The following WDR70 variants were observed in gnomAD, a reference collection of about 807,000 sequenced individuals.
WDR70 encodes the protein WD repeat-containing protein 70.
WDR70 carries 53 observed loss-of-function variants against 88.6 expected under a neutral mutation model. The observed-to-expected ratio is 0.60, with a 90% CI of 0.48 to 0.75. The LOEUF (loss-of-function observed/expected upper bound fraction) is 0.75, where lower values mean the gene tolerates loss of function less well. Ranked by LOEUF, WDR70 falls within the 30% of genes least tolerant of loss-of-function variation. The pLI is 0.00. For missense variants in WDR70, 610 were observed against 823.2 expected, an observed-to-expected ratio of 0.74 and a Z score of 3.17; for synonymous variants, 280 against 270.0, an observed-to-expected ratio of 1.04 and a Z score of -0.36.
At chr5:37,658,368 T>C (rs1745612688) in intron 10 of WDR70, among the ~76,000 whole-genome samples, 1 of 152,116 alleles carries the variant, frequency 6.6e-6, no homozygotes. Flanking sequence ...CCTCTAGTCA[T>C]ATATAATTCT....
At chr5:37,728,253 C>A (rs1748043192) in intron 17 of WDR70, among the ~76,000 whole-genome samples, 1 of 149,518 alleles carries the variant, frequency 6.7e-6, no homozygotes, top group African/African-American at 2.5e-5. Flanking sequence ...GAGGCTGAGG[C>A]AGGAGAATTG....
chr5:37,416,841 C>T (rs528983858), intron 5 of WDR70, among the ~76,000 whole-genome samples: 5 of 152,276 alleles, frequency 3.3e-5, no homozygotes, highest in East Asian at 3.9e-4. Flanking sequence ...TCCTAAAGTG[C>T]TGGGATTACA....
chr5:37,390,957 C>T (rs1748800013), intron 3 of WDR70, among the ~76,000 whole-genome samples: 1 of 152,072 alleles, frequency 6.6e-6, no homozygotes. Flanking sequence ...CTCCAGTGAT[C>T]CGCCCACCTT....
chr5:37,664,062 C>T (rs191813036), intron 10 of WDR70, among the ~76,000 whole-genome samples: 4 of 152,248 alleles, frequency 2.6e-5, no homozygotes, highest in African/African-American at 4.8e-5. Context: ...CCAAAGCCAC[C>T]GACTGCAATT....
intron 9 of WDR70, among the ~76,000 whole-genome samples, chr5:37,594,444 A>T (rs2112453172): frequency 6.6e-6 from 1 of 152,324 alleles, no homozygotes; most frequent in East Asian, 1.9e-4. Context: ...GTCAAAGATC[A>T]GATGGTTGTA....
At chr5:37,482,386 A>G (rs1337472154) in intron 8 of WDR70, among the ~76,000 whole-genome samples, 1 of 152,174 alleles carries the variant, frequency 6.6e-6, no homozygotes, top group African/African-American at 2.4e-5. Flanking sequence ...CCTCACAATC[A>G]TGGTGGAAGG....
At chr5:37,415,655 C>T (rs1433255662) in intron 5 of WDR70, among the ~76,000 whole-genome samples, 8 of 149,364 alleles carry the variant, frequency 5.4e-5, no homozygotes, top group Admixed American at 2.6e-4. Context: ...GCTGGCCGGG[C>T]GGGGGGCTGA....
intron 9 of WDR70, among the ~76,000 whole-genome samples, chr5:37,536,470 T>G (rs914201570): frequency 7.2e-5 from 11 of 152,216 alleles, no homozygotes; most frequent in African/African-American, 2.4e-4. Context: ...TTTTTAGATT[T>G]TGGAATATTT....
chr5:37,718,157 T>A (rs1266883930), intron 13 of WDR70, among the ~76,000 whole-genome samples: 1 of 152,188 alleles, frequency 6.6e-6, no homozygotes, highest in Non-Finnish European at 1.5e-5. Context: ...ATCAGCTATA[T>A]GTGTGTGTAA....
intron 10 of WDR70, among the ~76,000 whole-genome samples, chr5:37,611,212 C>T (rs1378796470): frequency 6.6e-6 from 1 of 151,852 alleles, no homozygotes; most frequent in Non-Finnish European, 1.5e-5. Flanking sequence ...ACATTTTTCT[C>T]TCACACCTCA....
intron 10 of WDR70, among the ~76,000 whole-genome samples, chr5:37,657,854 C>T (rs759735257): frequency 6.6e-6 from 1 of 152,190 alleles, no homozygotes; most frequent in Non-Finnish European, 1.5e-5. Context: ...ATACCGTGTA[C>T]TTTCCTTCCT....
At chr5:37,661,518 A>G (rs1745699268) in intron 10 of WDR70, among the ~76,000 whole-genome samples, 1 of 152,236 alleles carries the variant, frequency 6.6e-6, no homozygotes, top group East Asian at 1.9e-4. Flanking sequence ...AGAAAGAGTA[A>G]TTCATGCAGA....
chr5:37,656,165 CTGTT>C (rs956879873), intron 10 of WDR70, among the ~76,000 whole-genome samples: 28 of 152,064 alleles, frequency 1.8e-4, no homozygotes, highest in African/African-American at 6.5e-4. Flanking sequence ...CTCTTCCTGT[CTGTT>C]TGTTAGTTTT....
chr5:37,554,678 G>GCGCACACA (rs5867353), intron 9 of WDR70, among the ~76,000 whole-genome samples: 1 of 147,670 alleles, frequency 6.8e-6, no homozygotes, highest in Non-Finnish European at 1.5e-5. Context: ...GCACCTGCAC[G>GCGCACACA]CACACACACA....
intron 10 of WDR70, among the ~76,000 whole-genome samples, chr5:37,631,254 A>G (rs896671863): frequency 1.3e-5 from 2 of 152,136 alleles, no homozygotes; most frequent in Non-Finnish European, 2.9e-5. Context: ...AGGCATCTCT[A>G]GTTAGCCTTC....
chr5:37,752,646 A>C lies in WDR70; in HGVS notation c.*73A>C. 9.4e-7 allele frequency: 1 copy of C among 1,064,436 alleles called. No individual in the cohort carries two copies. The highest frequency in any genetic ancestry group is 1.6e-5 in the African/African-American group (1 of 60,956). 65.9% of individuals were successfully genotyped at this position (1,064,436 alleles called of 1,614,324 possible). ...AGGTTTGGGTTTTTTTTTTATGCTC[A>C]TGAAATTAAAAATTCATTTTTATGA... On this transcript the variant is annotated 3_prime_UTR_variant, in exon 18 of 18. Coordinates refer to ENST00000265107, the MANE Select transcript of WDR70 (RefSeq NM_018034.4).
intron 8 of WDR70, among the ~76,000 whole-genome samples, chr5:37,513,996 A>T (rs1740802437): frequency 6.6e-6 from 1 of 152,020 alleles, no homozygotes; most frequent in African/African-American, 2.4e-5. Context: ...GTTAAGTGGC[A>T]TTTTAATTTA....
At chr5:37,434,649 G>C (rs920720187) in intron 5 of WDR70, among the ~76,000 whole-genome samples, 7 of 152,176 alleles carry the variant, frequency 4.6e-5, no homozygotes, top group African/African-American at 1.7e-4. Context: ...ATGTTCATCA[G>C]ATAGAATTGC....
At chr5:37,463,497 A>G (rs1739072400) in intron 7 of WDR70, among the ~76,000 whole-genome samples, 2 of 152,120 alleles carry the variant, frequency 1.3e-5, no homozygotes, top group African/African-American at 2.4e-5. Context: ...CTGAGCAAAA[A>G]CTACTTAAAA....
Sources: gnomAD v4.1 joint callset for allele counts (sites outside exome capture counted in the v4.1 genomes callset) on GRCh38, gnomAD v4.1.1 for gene constraint, MANE v1.5 for transcripts, NCBI Gene and HGNC (gene_info 2026-07-23, HGNC 2026-07-21) for gene names.